The following GOLGA1 variants were observed in gnomAD, a reference collection of about 807,000 sequenced individuals.
GOLGA1 encodes the protein golgin subfamily A member 1.
In GOLGA1, 63 loss-of-function variants were observed where a neutral mutation model predicts 119.7. The ratio of observed to expected loss-of-function variants is 0.53; its 90% CI spans 0.43 to 0.65. GOLGA1 has a LOEUF of 0.65. GOLGA1 is among the 30% of genes least tolerant of loss of function. GOLGA1 has a pLI of 0.00. For missense variants in GOLGA1, 798 were observed against 912.8 expected (o/e 0.87, Z 1.62); for synonymous variants, 318 against 333.4 (o/e 0.95, Z 0.50).
At chr9:124,947,447 A>G (rs1345096032) in intron 1 of GOLGA1, 1 of 152,128 alleles carries the variant, frequency 6.6e-6, no homozygotes, top group Non-Finnish European at 1.5e-5. Flanking sequence ...ACTCCAAATT[A>G]GCCCATTTTA....
upstream of GOLGA1, among the ~76,000 whole-genome samples, chr9:124,941,474 C>G (rs1831022701): frequency 6.6e-6 from 1 of 152,228 alleles, no homozygotes; most frequent in African/African-American, 2.4e-5. Flanking sequence ...CCCCCCCGCG[C>G]CGCCCGGTCC....
rs761356995 is a variant in GOLGA1, at chr9:124,923,224, C to G, written c.433-1G>C. 1 of 1,588,704 alleles carries G rather than the reference C, an allele frequency of 6.3e-7. No individual in the cohort carries two copies. The highest frequency in any genetic ancestry group is 8.6e-7 in the Non-Finnish European group (1 of 1,163,072). ...ACTGGGCTGTCAGAATATTTTTCTC[C>G]TATTTGAAAGAAGAAGACATCAACT... is the stretch of plus-strand genomic sequence containing the variant. On this transcript the variant is annotated splice_acceptor_variant, in intron 7 of 22. Transcript: ENST00000373555. LOFTEE classifies it high-confidence loss of function.
At chr9:124,882,390 C>T (rs1829608761) in intron 20 of GOLGA1, 120 bp downstream of exon 20, 1 of 728,482 alleles carries the variant, frequency 1.4e-6, no homozygotes, top group Admixed American at 2.2e-5. Context: ...CCAGCGATCC[C>T]TTGCAATTAA....
chr9:124,943,702 T>C (rs1237510582), upstream of GOLGA1: 1 of 152,170 alleles, frequency 6.6e-6, no homozygotes, highest in East Asian at 1.9e-4. Context: ...AGACAATAAG[T>C]TCAGCATTAT....
At chr9:124,937,194 C>A (rs1176346864) in intron 3 of GOLGA1, among the ~76,000 whole-genome samples, 1 of 152,186 alleles carries the variant, frequency 6.6e-6, no homozygotes, top group African/African-American at 2.4e-5. Flanking sequence ...TGGCTCACCC[C>A]TGTAATCCTA....
Position 124,878,325 on chromosome 9 carries a change from C to CA in GOLGA1, c.*2204dup, listed in dbSNP as rs779253872. 2 of 152,226 alleles carry CA rather than the reference C, an allele frequency of 1.3e-5. No homozygotes were observed. The highest frequency in any genetic ancestry group is 2.9e-5 in the Non-Finnish European group (2 of 68,020). 9.4% of individuals were successfully genotyped at this position (152,226 alleles called of 1,614,324 possible). A position where few individuals can be genotyped will look rare whatever the true frequency, so the allele number is the denominator to read the frequency against. ...ACACAAAATACCAGATTTAATGAGT[C>CA]AAAGAAATACTGACACACCAAACTA... On this transcript the variant is annotated 3_prime_UTR_variant, in exon 23 of 23. Transcript: ENST00000373555.
chr9:124,899,307 C>A, intron 14 of GOLGA1, 22 bp downstream of exon 14: 1 of 1,527,326 alleles, frequency 6.5e-7, no homozygotes, highest in East Asian at 2.5e-5. Flanking sequence ...CTGGGCCCAC[C>A]CTCTCTTAGC....
upstream of GOLGA1, among the ~76,000 whole-genome samples, chr9:124,941,470 C>G (rs575291409): frequency 1.3e-5 from 2 of 152,216 alleles, no homozygotes; most frequent in African/African-American, 4.8e-5. Flanking sequence ...GGCGCCCCCC[C>G]GCGCCGCCCG....
rs1343714039 is a variant in GOLGA1, at chr9:124,921,179, C to G, written c.793G>C (p.Glu265Gln). ...TGAATGAGTGCTTGGAGCTCTTGTT[C>G]CTTTTGTTCCAGGGCTGTGATCTTA... Reference protein sequence around the residue: ...ESKITALEQKEQELQALIQQL... With the variant: ...ESKITALEQKQQELQALIQQL... Residue 265 changes from glutamate (E) to glutamine (Q), a missense_variant, in exon 10 of 23, where the codon GAA becomes CAA. Glu to Gln is a conservative substitution (Grantham distance 29, BLOSUM62 2). Transcript: ENST00000373555. 6.2e-7 allele frequency: 1 copy of G among 1,613,316 alleles called. No individual in the cohort carries two copies. The highest frequency in any genetic ancestry group is 1.1e-5 in the South Asian group (1 of 91,068).
In GOLGA1 at chr9:124,938,633, G is replaced by T. The variant is rs138234842; in HGVS notation, c.79C>A (p.Arg27=). 2.5e-5 allele frequency: 40 copies of T among 1,612,790 alleles called. No homozygotes were observed. The highest frequency in any genetic ancestry group is 3.1e-5 in the Non-Finnish European group (36 of 1,178,976). Reference sequence around the variant, plus strand: ...GCAACTGATTCCTTGCTCACAGACCGTGGGATCCTAGTAGCACCTCCTGGC... The same window carrying T: ...GCAACTGATTCCTTGCTCACAGACCTTGGGATCCTAGTAGCACCTCCTGGC... ...QRPGGATRIP[R]SVSKESVASM... The change falls in exon 3 of 23, where the codon CGG becomes AGG. Residue 27 remains arginine, a synonymous_variant. Transcript: ENST00000373555.
intron 10 of GOLGA1, among the ~76,000 whole-genome samples, chr9:124,916,708 T>C (rs1564337861): frequency 6.6e-6 from 1 of 151,512 alleles, no homozygotes; most frequent in Non-Finnish European, 1.5e-5. Context: ...ACCTTAACTA[T>C]AAAAAAATTT....
At chr9:124,937,120 C>T (rs1044441514) in intron 3 of GOLGA1, among the ~76,000 whole-genome samples, 17 of 152,142 alleles carry the variant, frequency 1.1e-4, no homozygotes, top group African/African-American at 3.6e-4. Flanking sequence ...ATATTACATA[C>T]ATTCTTTTAT....
rs781151500 is a variant in GOLGA1 at position 124,929,212 on chromosome 9, G to A, written c.301+4C>T. 1.2e-5 allele frequency: 18 copies of A among 1,558,262 alleles called. No homozygotes were observed. Among genetic ancestry groups the A allele is most frequent in the Admixed American group, 5.0e-5 (3 of 59,802 alleles). ...ATTGAAAAAAGCAGGAAAAAAATAC[G>A]TACAATCCTGGTGTTTTTCTAATGC... On this transcript the variant is annotated splice_donor_region_variant and intron_variant, in intron 5 of 22. Coordinates refer to ENST00000373555, the MANE Select transcript of GOLGA1 (RefSeq NM_002077.4).
intron 10 of GOLGA1, among the ~76,000 whole-genome samples, chr9:124,915,518 T>C (rs887206685): frequency 6.6e-6 from 1 of 152,166 alleles, no homozygotes; most frequent in African/African-American, 2.4e-5. Context: ...GTCTATCCTT[T>C]TGGTTCTCCC....
At chr9:124,899,606 C>A in intron 13 of GOLGA1, 128 bp from the exon 14 acceptor site, 1 of 946,014 alleles carries the variant, frequency 1.1e-6, no homozygotes, top group South Asian at 1.6e-5. Context: ...TCCCCCCTGG[C>A]GTTGCTGAGG....
intron 15 of GOLGA1, among the ~76,000 whole-genome samples, chr9:124,895,586 C>T (rs1033922916): frequency 5.4e-5 from 8 of 148,010 alleles, no homozygotes; most frequent in African/African-American, 1.5e-4. Flanking sequence ...GAACCACCCA[C>T]GACAGAGACC....
chr9:124,916,124 A>AATAAATAAATAC lies in GOLGA1; in HGVS notation c.844-4099_844-4098insGTATTTATTTAT, dbSNP rs1244415325. ...CTCTAAATAAATAAATAAATAAATA[A>AATAAATAAATAC]ATAAATACATAAATATACTTATTTA... On this transcript the variant is annotated intron_variant, in intron 10 of 22. Transcript: ENST00000373555. Among the ~76,000 whole-genome samples the AATAAATAAATAC allele has an allele frequency of 2.4e-4, 37 of 151,246 alleles. No homozygotes were observed. In the East Asian group the frequency reaches 6.8e-3, roughly 28 times the overall value.
chr9:124,940,540 C>A (rs1370487734), intron 1 of GOLGA1, among the ~76,000 whole-genome samples: 3 of 151,984 alleles, frequency 2.0e-5, no homozygotes, highest in African/African-American at 7.2e-5. Context: ...CGTCTGGTCA[C>A]GGATGTGCAC....
In GOLGA1 at chr9:124,881,173, T is replaced by TAA; in HGVS notation, c.2220_2221insTT (p.Lys741LeufsTer45). On this transcript the variant is annotated frameshift_variant, in exon 22 of 23. Coordinates refer to ENST00000373555, the MANE Select transcript of GOLGA1 (RefSeq NM_002077.4). LOFTEE classifies it high-confidence loss of function. The surrounding 1 kb of genome is among the most constrained non-coding windows in gnomAD (Gnocchi z 4.9). ...AACAGTAGACCAGAGAACCCTACCT[T>TAA]ATATTCCAGAGTTTCCTTGAGCATG... 1 of 1,491,924 alleles carries TAA rather than the reference T, an allele frequency of 6.7e-7. No homozygotes were observed. Among genetic ancestry groups the TAA allele is most frequent in the Non-Finnish European group, 9.4e-7 (1 of 1,067,846 alleles). 92.4% of individuals were successfully genotyped at this position (1,491,924 alleles called of 1,614,324 possible).
Sources: gnomAD v4.1 joint callset for allele counts (sites outside exome capture counted in the v4.1 genomes callset) on GRCh38, gnomAD v4.1.1 for gene constraint, Gnocchi (gnomAD v3.1) non-coding constraint, MANE v1.5 for transcripts, NCBI Gene and HGNC (gene_info 2026-07-23, HGNC 2026-07-21) for gene names.